BCL2: variants seen among roughly 807,000 people sequenced by gnomAD.
The protein encoded by BCL2 is BCL2 apoptosis regulator, also known as apoptosis regulator Bcl-2.
A neutral mutation model predicts 14.2 loss-of-function variants in BCL2; 1 was observed. The observed-to-expected ratio is 0.07, with a 90% CI of 0.02 to 0.33. BCL2 has a LOEUF of 0.33. BCL2 is among the 10% of genes least tolerant of loss of function. BCL2 has a pLI of 0.99. For missense variants in BCL2, 247 were observed against 305.9 expected (o/e 0.81, Z 1.44); for synonymous variants, 151 against 137.2 (o/e 1.10, Z -0.70).
intron 2 of BCL2, among the ~76,000 whole-genome samples, chr18:63,288,561 C>T (rs528270393): frequency 6.6e-6 from 1 of 152,308 alleles, no homozygotes; most frequent in South Asian, 2.1e-4. Flanking sequence ...TGAAAGTTTC[C>T]ATGCTGCACA....
At chr18:63,147,294 T>G (rs1051253880) in intron 2 of BCL2, among the ~76,000 whole-genome samples, 1 of 152,132 alleles carries the variant, frequency 6.6e-6, no homozygotes, top group African/African-American at 2.4e-5. Context: ...TCAAGTGACA[T>G]CACTTTTAGA....
chr18:63,205,552 C>T (rs970286537), intron 2 of BCL2, among the ~76,000 whole-genome samples: 14 of 152,148 alleles, frequency 9.2e-5, no homozygotes, highest in African/African-American at 3.4e-4. Context: ...GTGAGCATTC[C>T]TCATGATCTG....
intron 2 of BCL2, among the ~76,000 whole-genome samples, chr18:63,157,120 T>G (rs990977260): frequency 6.6e-6 from 1 of 152,236 alleles, no homozygotes; most frequent in African/African-American, 2.4e-5. Context: ...GAATTAAGTA[T>G]GCATCTGGGG....
chr18:63,311,875 C>A (rs1387418840), intron 2 of BCL2, among the ~76,000 whole-genome samples: 1 of 152,158 alleles, frequency 6.6e-6, no homozygotes, highest in African/African-American at 2.4e-5. Context: ...TTTAAAAGGG[C>A]GTTTGGGGAA....
At chr18:63,141,146 C>T (rs146187638) in intron 2 of BCL2, among the ~76,000 whole-genome samples, 26 of 152,292 alleles carry the variant, frequency 1.7e-4, no homozygotes, top group African/African-American at 5.8e-4. Flanking sequence ...AAAACTCCGC[C>T]GTAGCGAACC....
At chr18:63,229,257 T>C (rs1327824599) in intron 2 of BCL2, among the ~76,000 whole-genome samples, 1 of 152,200 alleles carries the variant, frequency 6.6e-6, no homozygotes, top group Non-Finnish European at 1.5e-5. Flanking sequence ...TTTACATGTA[T>C]TCAATTTATT....
chr18:63,157,391 T>C (rs1914811693), intron 2 of BCL2, among the ~76,000 whole-genome samples: 1 of 152,140 alleles, frequency 6.6e-6, no homozygotes, highest in African/African-American at 2.4e-5. Flanking sequence ...AGAGGATGCA[T>C]CACTAAGTAT....
chr18:63,126,083 G>T lies in BCL2; in HGVS notation c.*2542C>A. 1 of 216,332 alleles carries T rather than the reference G, an allele frequency of 4.6e-6. No homozygotes were observed. The highest frequency in any genetic ancestry group is 9.3e-6 in the Non-Finnish European group (1 of 107,194). The allele number at this position is 216,332 out of a possible 1,614,324, so 13.4% of individuals were successfully genotyped here. ...AACTGACTCCATTAAAATGATTTTG[G>T]CAGGATAGCAGCACAGGATTGGATA... On this transcript the variant is annotated 3_prime_UTR_variant, in exon 3 of 3. Coordinates refer to ENST00000333681, the MANE Select transcript of BCL2 (RefSeq NM_000633.3).
intron 2 of BCL2, among the ~76,000 whole-genome samples, chr18:63,239,369 C>T (rs755535092): frequency 6.6e-6 from 1 of 152,206 alleles, no homozygotes; most frequent in Non-Finnish European, 1.5e-5. Context: ...TTTGAGTGCA[C>T]AATGTCTGTC....
At chr18:63,182,395 G>A (rs567565646) in intron 2 of BCL2, among the ~76,000 whole-genome samples, 1 of 152,332 alleles carries the variant, frequency 6.6e-6, no homozygotes, top group African/African-American at 2.4e-5. Context: ...CCCAGTGCCA[G>A]TCCAGCCACA....
chr18:63,270,245 T>C (rs1911967282), intron 2 of BCL2, among the ~76,000 whole-genome samples: 1 of 152,204 alleles, frequency 6.6e-6, no homozygotes, highest in Admixed American at 6.5e-5. Flanking sequence ...ATTTCTAGGA[T>C]CTTTTTCCTA....
intron 2 of BCL2, among the ~76,000 whole-genome samples, chr18:63,160,528 C>T (rs913453974): frequency 1.3e-5 from 2 of 152,152 alleles, no homozygotes; most frequent in Non-Finnish European, 2.9e-5. Flanking sequence ...AGTGCAGAGT[C>T]CCCTCTTCCA....
intron 2 of BCL2, among the ~76,000 whole-genome samples, chr18:63,203,362 A>C (rs1358221267): frequency 1.3e-5 from 2 of 152,218 alleles, no homozygotes; most frequent in African/African-American, 4.8e-5. Context: ...GACATGTGTA[A>C]AACAAGAGAA....
At chr18:63,266,232 C>T (rs891662067) in intron 2 of BCL2, among the ~76,000 whole-genome samples, 8 of 151,722 alleles carry the variant, frequency 5.3e-5, no homozygotes, top group Admixed American at 1.3e-4. Context: ...ATTATGTAGA[C>T]ACAGAAGAGA....
chr18:63,262,211 C>T (rs1254611270), intron 2 of BCL2, among the ~76,000 whole-genome samples: 1 of 152,156 alleles, frequency 6.6e-6, no homozygotes, highest in Admixed American at 6.5e-5. Context: ...GTCACTGTGC[C>T]CAGCCACATA....
chr18:63,313,004 T>C (rs2144310120), intron 2 of BCL2, among the ~76,000 whole-genome samples: 1 of 152,326 alleles, frequency 6.6e-6, no homozygotes, highest in Admixed American at 6.5e-5. Context: ...TTTGGCCCTG[T>C]TTAAATTAGG....
intron 2 of BCL2, among the ~76,000 whole-genome samples, chr18:63,138,989 T>C (rs1424969588): frequency 6.6e-6 from 1 of 152,216 alleles, no homozygotes; most frequent in Non-Finnish European, 1.5e-5. Context: ...GCTTATGCCA[T>C]GGGCCAGGGC....
intron 2 of BCL2, among the ~76,000 whole-genome samples, chr18:63,191,486 T>C (rs976745086): frequency 2.6e-5 from 4 of 152,254 alleles, no homozygotes; most frequent in African/African-American, 9.6e-5. Context: ...CTTTGTGAGA[T>C]TCCAGTATAT....
intron 2 of BCL2, among the ~76,000 whole-genome samples, chr18:63,306,181 C>A (rs1913127634): frequency 6.6e-6 from 1 of 152,222 alleles, no homozygotes. Flanking sequence ...ACCAGCAAAG[C>A]TGAGGAAGAA....
Sources: gnomAD v4.1 joint callset for allele counts (sites outside exome capture counted in the v4.1 genomes callset) on GRCh38, gnomAD v4.1.1 for gene constraint, MANE v1.5 for transcripts, NCBI Gene and HGNC (gene_info 2026-07-23, HGNC 2026-07-21) for gene names.